PCYT1B: variants seen among roughly 807,000 people sequenced by gnomAD.
PCYT1B encodes phosphate cytidylyltransferase 1B, choline.
A neutral mutation model predicts 26.4 loss-of-function variants in PCYT1B; 10 were observed. The observed-to-expected ratio is 0.38, with a 90% CI of 0.23 to 0.64. The LOEUF (loss-of-function observed/expected upper bound fraction) is 0.64, where lower values mean the gene tolerates loss of function less well. Ranked by LOEUF, PCYT1B falls within the 30% of genes least tolerant of loss-of-function variation. The pLI, the probability that PCYT1B is intolerant of heterozygous loss-of-function variation, is 0.56. For missense variants in PCYT1B, 161 were observed against 292.7 expected (o/e 0.55, Z 3.28); for synonymous variants, 131 against 108.4 (o/e 1.21, Z -1.29).
intron 4 of PCYT1B, among the ~76,000 whole-genome samples, chrX:24,587,929 C>T (rs961775012): frequency 8.9e-6 from 1 of 112,591 alleles, no homozygotes; most frequent in Non-Finnish European, 1.9e-5. Flanking sequence ...TGCCAGGGCA[C>T]CAGGCCAGGT....
intron 1 of PCYT1B, chrX:24,621,716 C>T (rs945044071): frequency 1.9e-5 from 3 of 160,284 alleles, no homozygotes; most frequent in African/African-American, 9.5e-5. Flanking sequence ...GATTAGCTTA[C>T]ATTAATGATT....
At chrX:24,663,688 G>C (rs1442332746) in intron 1 of PCYT1B, among the ~76,000 whole-genome samples, 2 of 111,376 alleles carry the variant, frequency 1.8e-5, no homozygotes, top group African/African-American at 3.3e-5. Flanking sequence ...GCCGAGGCTG[G>C]GGGGGATGAC....
intron 1 of PCYT1B, among the ~76,000 whole-genome samples, chrX:24,666,852 CA>C (rs1927139085): frequency 9.0e-6 from 1 of 110,944 alleles, no homozygotes; most frequent in Non-Finnish European, 1.9e-5. Flanking sequence ...GAATAAAGGG[CA>C]AAAATAAGAT....
chrX:24,653,312 A>G (rs190431845), intron 1 of PCYT1B, among the ~76,000 whole-genome samples: 127 of 111,040 alleles, frequency 1.1e-3, no homozygotes, highest in African/African-American at 3.9e-3. Flanking sequence ...CACCTGACCC[A>G]CTGTCAACTG....
intron 2 of PCYT1B, among the ~76,000 whole-genome samples, chrX:24,617,371 G>GTTT (rs201674610): frequency 7.7e-4 from 62 of 80,218 alleles, no homozygotes; most frequent in East Asian, 1.4e-3. Context: ...TGGTTTGTTT[G>GTTT]TTTTTTTTTT....
upstream of PCYT1B, among the ~76,000 whole-genome samples, chrX:24,648,083 G>T (rs1926684639): frequency 9.0e-6 from 1 of 111,556 alleles, no homozygotes; most frequent in Non-Finnish European, 1.9e-5. Context: ...TTTACCAGTC[G>T]TGGGTCCCAT....
At chrX:24,656,160 TA>T (rs1392433993) in intron 1 of PCYT1B, among the ~76,000 whole-genome samples, 1 of 41,648 alleles carries the variant, frequency 2.4e-5, no homozygotes, top group Non-Finnish European at 4.3e-5. Flanking sequence ...AAAAGCCCAT[TA>T]GGGGAAAAAA....
intron 1 of PCYT1B, among the ~76,000 whole-genome samples, chrX:24,642,165 G>A (rs1460656547): frequency 5.3e-5 from 6 of 112,786 alleles, no homozygotes; most frequent in Admixed American, 9.4e-5. Context: ...TCTATTAAAC[G>A]GAAATGCCCC....
intron 2 of PCYT1B, among the ~76,000 whole-genome samples, chrX:24,609,822 G>T (rs1219214426): frequency 1.8e-5 from 2 of 111,486 alleles, no homozygotes; most frequent in Non-Finnish European, 3.8e-5. Context: ...CGGGCGTGGT[G>T]GCTCAAGCCT....
intron 1 of PCYT1B, among the ~76,000 whole-genome samples, chrX:24,628,004 C>T (rs1047670497): frequency 8.9e-6 from 1 of 111,755 alleles, no homozygotes. Flanking sequence ...ATTCCATTCT[C>T]ACAGATTTGG....
chrX:24,570,898 C>T (rs1923802514), intron 7 of PCYT1B, among the ~76,000 whole-genome samples: 1 of 110,874 alleles, frequency 9.0e-6, no homozygotes, highest in Non-Finnish European at 1.9e-5. Context: ...TGACACACCC[C>T]GACCAAAGGA....
intron 1 of PCYT1B, among the ~76,000 whole-genome samples, chrX:24,670,113 A>AAAGAGAGAAAGAAAGGAAGGAAGGAAGG (rs1602218930): frequency 4.2e-5 from 1 of 23,599 alleles, no homozygotes; most frequent in South Asian, 3.0e-3. Flanking sequence ...AGAAAGAAAG[A>AAAGAGAGAAAGAAAGGAAGGAAGGAAGG]AAGGAAGGAA....
chrX:24,636,904 C>T (rs1363906253), intron 1 of PCYT1B, among the ~76,000 whole-genome samples: 2 of 111,665 alleles, frequency 1.8e-5, no homozygotes, highest in Admixed American at 1.9e-4. Flanking sequence ...TCACTGCTAC[C>T]CAGCATTAAA....
intron 4 of PCYT1B, among the ~76,000 whole-genome samples, chrX:24,587,531 T>C (rs1330342306): frequency 8.9e-6 from 1 of 112,191 alleles, no homozygotes; most frequent in East Asian, 2.8e-4. Context: ...AATGTTTTGG[T>C]TTCTCTCCTT....
At chrX:24,655,847 C>G (rs1926892609) in intron 1 of PCYT1B, among the ~76,000 whole-genome samples, 1 of 106,834 alleles carries the variant, frequency 9.4e-6, no homozygotes, top group Non-Finnish European at 1.9e-5. Context: ...TCGGCTGATT[C>G]AGGTCTATGA....
chrX:24,587,109 C>A, intron 5 of PCYT1B, 132 bp downstream of exon 5: 1 of 458,625 alleles, frequency 2.2e-6, no homozygotes. Flanking sequence ...CTTGTAGAAG[C>A]CGCCTGGGGG....
At chrX:24,644,449 TACACACAC>T (rs201474505) in intron 1 of PCYT1B, among the ~76,000 whole-genome samples, 457 of 94,983 alleles carry the variant, frequency 4.8e-3, no homozygotes, top group African/African-American at 7.6e-3. Flanking sequence ...ATGTGCATGA[TACACACAC>T]ACACACACAC....
At chrX:24,660,391 A>G (rs1927003879) in intron 1 of PCYT1B, among the ~76,000 whole-genome samples, 1 of 112,385 alleles carries the variant, frequency 8.9e-6, no homozygotes, top group African/African-American at 3.2e-5. Context: ...AAATGACACT[A>G]AGGAGGCCAG....
intron 1 of PCYT1B, among the ~76,000 whole-genome samples, chrX:24,622,843 G>A (rs1247287175): frequency 9.0e-6 from 1 of 111,656 alleles, no homozygotes; most frequent in Non-Finnish European, 1.9e-5. Flanking sequence ...GAAAAACCTC[G>A]AAAAGGGGAT....
Sources: gnomAD v4.1 joint callset for allele counts (sites outside exome capture counted in the v4.1 genomes callset) on GRCh38, gnomAD v4.1.1 for gene constraint, MANE v1.5 for transcripts, NCBI Gene and HGNC (gene_info 2026-07-23, HGNC 2026-07-21) for gene names.